Variants in CDK14 observed in about 807,000 individuals in gnomAD.
CDK14 encodes the protein cyclin dependent kinase 14.
In CDK14, 34 loss-of-function variants were observed where a neutral mutation model predicts 60.7. That is an observed-to-expected ratio of 0.56 (90% confidence interval 0.43 to 0.75). The LOEUF is 0.75. CDK14 is among the 30% of genes least tolerant of loss of function. CDK14 has a pLI of 0.00. For synonymous variants in CDK14, 197 were observed against 203.7 expected, an observed-to-expected ratio of 0.97 and a Z score of 0.28; for missense variants, 482 against 564.1, an observed-to-expected ratio of 0.85 and a Z score of 1.47.
chr7:90,922,909 A>G (rs1401468971), intron 8 of CDK14, among the ~76,000 whole-genome samples: 3 of 152,048 alleles, frequency 2.0e-5, no homozygotes, highest in South Asian at 4.2e-4. Flanking sequence ...GAGAGTTCCT[A>G]TATACCCGCT....
At chr7:91,091,968 A>C (rs946307386) in intron 12 of CDK14, among the ~76,000 whole-genome samples, 7 of 152,194 alleles carry the variant, frequency 4.6e-5, no homozygotes, top group African/African-American at 1.2e-4. Flanking sequence ...TATACCCGAA[A>C]ACCTGCATGT....
At chr7:90,665,269 G>A (rs1465844973) in intron 2 of CDK14, among the ~76,000 whole-genome samples, 2 of 150,630 alleles carry the variant, frequency 1.3e-5, no homozygotes, top group African/African-American at 4.9e-5. Flanking sequence ...CGGCAACAGA[G>A]TGAGACACTG....
chr7:91,111,595 A>C (rs185934697), intron 12 of CDK14, among the ~76,000 whole-genome samples: 1 of 152,188 alleles, frequency 6.6e-6, no homozygotes, highest in African/African-American at 2.4e-5. Flanking sequence ...TTGCTACCCA[A>C]GTGATCCACT....
At chr7:91,005,650 T>G (rs538209165) in intron 10 of CDK14, among the ~76,000 whole-genome samples, 33 of 152,346 alleles carry the variant, frequency 2.2e-4, no homozygotes, top group African/African-American at 7.9e-4. Flanking sequence ...TCAGTTGACT[T>G]GTGGTCAGGG....
At chr7:90,900,653 C>T (rs991708517) in intron 7 of CDK14, among the ~76,000 whole-genome samples, 6 of 152,160 alleles carry the variant, frequency 3.9e-5, no homozygotes, top group African/African-American at 1.4e-4. Flanking sequence ...TGTTGATCAC[C>T]CAGCTAGTGA....
At chr7:91,060,465 C>T (rs948005847) in intron 11 of CDK14, among the ~76,000 whole-genome samples, 5 of 152,034 alleles carry the variant, frequency 3.3e-5, no homozygotes, top group East Asian at 1.9e-4. Flanking sequence ...GGTGATTTTG[C>T]GCGTTAGTTG....
At chr7:90,892,805 T>C (rs539702894) in intron 6 of CDK14, among the ~76,000 whole-genome samples, 25 of 152,276 alleles carry the variant, frequency 1.6e-4, no homozygotes, top group African/African-American at 5.8e-4. Flanking sequence ...TTTTGTTTTG[T>C]TCTCGCTCTG....
chr7:90,814,923 A>G (rs1789289818), intron 5 of CDK14, among the ~76,000 whole-genome samples: 1 of 152,238 alleles, frequency 6.6e-6, no homozygotes, highest in Non-Finnish European at 1.5e-5. Flanking sequence ...TTGCCTTTTT[A>G]AAATTTGAGT....
At chr7:91,006,932 A>G (rs192992698) in intron 10 of CDK14, among the ~76,000 whole-genome samples, 15 of 152,314 alleles carry the variant, frequency 9.8e-5, no homozygotes. Flanking sequence ...CTATTCCTGA[A>G]AATTTAGGTC....
chr7:90,682,483 A>G (rs1003514280), intron 2 of CDK14, among the ~76,000 whole-genome samples: 1 of 152,176 alleles, frequency 6.6e-6, no homozygotes, highest in Non-Finnish European at 1.5e-5. Context: ...ATTTGAAAGT[A>G]AGTTGCATAT....
intron 4 of CDK14, among the ~76,000 whole-genome samples, chr7:90,754,411 A>G (rs898448238): frequency 2.2e-4 from 33 of 152,224 alleles, no homozygotes; most frequent in Non-Finnish European, 1.2e-4. Context: ...TGTTTCTTGT[A>G]TAGATGGCTG....
rs1434884372 is a variant in CDK14, at chr7:90,792,857, A to T, written c.544+2205A>T. Among the ~76,000 whole-genome samples, 4 of 152,298 alleles carry T rather than the reference A, an allele frequency of 2.6e-5. No homozygotes were observed. In the East Asian group the frequency reaches 5.8e-4, roughly 22 times the overall value. ...CCTATATGACTGATTTTCTTCAAAC[A>T]TGCTATAGAGTTTCCTGTCTCAGGA... On this transcript the variant is annotated intron_variant, in intron 5 of 14. Coordinates refer to ENST00000380050, the MANE Select transcript of CDK14 (RefSeq NM_001287135.2).
At chr7:91,088,573 G>GTA (rs1798707302) in intron 12 of CDK14, among the ~76,000 whole-genome samples, 1 of 127,860 alleles carries the variant, frequency 7.8e-6, no homozygotes. Flanking sequence ...ATATATATGT[G>GTA]TGTGTGTGTG....
intron 2 of CDK14, among the ~76,000 whole-genome samples, chr7:90,688,101 G>A (rs897219186): frequency 6.6e-6 from 1 of 152,150 alleles, no homozygotes; most frequent in Non-Finnish European, 1.5e-5. Context: ...AAAAGGCTAA[G>A]GCTCTAAGGG....
At chr7:90,683,780 G>A (rs1387128973) in intron 2 of CDK14, among the ~76,000 whole-genome samples, 2 of 152,200 alleles carry the variant, frequency 1.3e-5, no homozygotes, top group Admixed American at 6.5e-5. Flanking sequence ...CAGCCTGGGC[G>A]ACAGAGCGAG....
Position 90,840,137 on chromosome 7 carries a change from C to T in CDK14, c.545-23038C>T, listed in dbSNP as rs554346148. On this transcript the variant is annotated intron_variant, in intron 5 of 14. Transcript: ENST00000380050. ...CCTTGTCACTGTCACCAGAAGCTGTCGGACTTTCAAGCTAAGATGTTCTCT... is the reference window on the plus strand; with the variant it reads ...CCTTGTCACTGTCACCAGAAGCTGTTGGACTTTCAAGCTAAGATGTTCTCT... Among the ~76,000 whole-genome samples, 9 of 152,270 alleles carry T rather than the reference C, an allele frequency of 5.9e-5. No homozygotes were observed. The South Asian group carries it at 8.3e-4, about 14-fold the overall frequency.
chr7:91,199,320 A>G (rs1189251931), intron 14 of CDK14, among the ~76,000 whole-genome samples: 2 of 151,566 alleles, frequency 1.3e-5, no homozygotes, highest in African/African-American at 4.8e-5. Flanking sequence ...ATACAATATT[A>G]TATGTTTTTT....
chr7:91,122,861 G>GCTGA (rs1256573149), intron 14 of CDK14, among the ~76,000 whole-genome samples: 1 of 152,132 alleles, frequency 6.6e-6, no homozygotes, highest in Non-Finnish European at 1.5e-5. Flanking sequence ...TGTAGAAACT[G>GCTGA]CTGACTGACG....
At chr7:90,673,777 C>T (rs1801145624) in intron 2 of CDK14, among the ~76,000 whole-genome samples, 1 of 152,144 alleles carries the variant, frequency 6.6e-6, no homozygotes, top group African/African-American at 2.4e-5. Context: ...GCAACATATC[C>T]TTACTTTGCT....
Sources: allele counts gnomAD v4.1 joint callset (sites outside exome capture counted in the v4.1 genomes callset), GRCh38; gene constraint gnomAD v4.1.1; transcripts MANE v1.5; gene names NCBI Gene and HGNC (gene_info 2026-07-23, HGNC 2026-07-21).